Variants in HS6ST3 observed in about 807,000 individuals in gnomAD.
HS6ST3 encodes the protein heparan-sulfate 6-O-sulfotransferase 3.
Under a neutral mutation model 36.7 loss-of-function variants are expected in HS6ST3, and 12 were observed. The ratio of observed to expected loss-of-function variants is 0.33; its 90% CI spans 0.21 to 0.53. The LOEUF (loss-of-function observed/expected upper bound fraction) is 0.53, where lower values mean the gene tolerates loss of function less well. HS6ST3 is among the 20% of genes least tolerant of loss of function. The probability of loss-of-function intolerance (pLI) is 0.95; values close to 1 mark genes in which losing one functional copy is unlikely to be tolerated. For synonymous variants in HS6ST3, 240 were observed against 257.5 expected (o/e 0.93, Z 0.65); for missense variants, 584 against 640.9 (o/e 0.91, Z 0.96).
At chr13:96,102,018 A>G (rs780091548) in intron 1 of HS6ST3, among the ~76,000 whole-genome samples, 2 of 152,176 alleles carry the variant, frequency 1.3e-5, no homozygotes, top group Non-Finnish European at 2.9e-5. Context: ...AGTTCTAAGG[A>G]ATGTGCACTT....
rs1297615512 is a variant in HS6ST3 at position 96,133,848 on chromosome 13, T to A, written c.707+42279T>A. Among the ~76,000 whole-genome samples the A allele has an allele frequency of 3.6e-3, 545 of 151,898 alleles. 4 individuals are homozygous for A. The highest frequency in any genetic ancestry group is 0.013 in the African/African-American group (523 of 41,498). ...GCAACTCTTTGAGCTTTTATGTTTT[T>A]TTTTTTTTTTTTAGTAGTTTTACAG... On this transcript the variant is annotated intron_variant, in intron 1 of 1. Coordinates refer to ENST00000376705, the MANE Select transcript of HS6ST3 (RefSeq NM_153456.4).
At chr13:96,458,671 C>A (rs938309785) in intron 1 of HS6ST3, among the ~76,000 whole-genome samples, 2 of 151,136 alleles carry the variant, frequency 1.3e-5, no homozygotes, top group African/African-American at 4.9e-5. Flanking sequence ...CTTTGAACTG[C>A]AGTTTGAGAT....
intron 1 of HS6ST3, among the ~76,000 whole-genome samples, chr13:96,753,601 A>G (rs1481234329): frequency 6.6e-6 from 1 of 152,092 alleles, no homozygotes; most frequent in African/African-American, 2.4e-5. Context: ...TCTGTTAATT[A>G]TTTTGGGTTT....
intron 1 of HS6ST3, among the ~76,000 whole-genome samples, chr13:96,675,124 G>A (rs1476030491): frequency 6.6e-6 from 1 of 151,954 alleles, no homozygotes; most frequent in Admixed American, 6.6e-5. Flanking sequence ...CTAATGTTTG[G>A]ACAAGAATGC....
intron 1 of HS6ST3, among the ~76,000 whole-genome samples, chr13:96,213,723 G>A (rs1219084786): frequency 1.3e-5 from 2 of 152,136 alleles, no homozygotes; most frequent in East Asian, 3.9e-4. Flanking sequence ...TAGCATGTAG[G>A]TGTTTAAGGT....
rs922547859 is a variant in HS6ST3, at chr13:96,695,291, A to C, written c.708-137199A>C. Among the ~76,000 whole-genome samples the C allele has an allele frequency of 2.6e-5, 4 of 152,180 alleles. No individual in the cohort carries two copies. In the South Asian group the frequency reaches 8.3e-4, roughly 32 times the overall value. The stretch of plus-strand genomic sequence containing the variant: ...TCTAATTCTACCCTTTGTGATGGAC[A>C]GTCTCCTTTGAAGGTGTTGCAGTTG... On this transcript the variant is annotated intron_variant, in intron 1 of 1. Transcript: ENST00000376705.
chr13:96,580,392 G>T (rs643765), intron 1 of HS6ST3, among the ~76,000 whole-genome samples: 56,612 of 147,806 alleles, frequency 0.38, 11,212 homozygotes, highest in East Asian at 0.67. Flanking sequence ...TCAACACTTT[G>T]TTTTTTTTTT....
chr13:96,797,578 C>T (rs547884378), intron 1 of HS6ST3, among the ~76,000 whole-genome samples: 1 of 152,180 alleles, frequency 6.6e-6, no homozygotes, highest in Non-Finnish European at 1.5e-5. Context: ...AATCGTAGCA[C>T]ATTGACTGGA....
At chr13:96,646,836 G>A (rs1025581266) in intron 1 of HS6ST3, among the ~76,000 whole-genome samples, 6 of 151,810 alleles carry the variant, frequency 4.0e-5, no homozygotes, top group Admixed American at 2.6e-4. Flanking sequence ...ATTTTCGATC[G>A]GGGAAAAATT....
chr13:96,308,237 A>T (rs1435846757), intron 1 of HS6ST3, among the ~76,000 whole-genome samples: 1 of 152,132 alleles, frequency 6.6e-6, no homozygotes, highest in Non-Finnish European at 1.5e-5. Context: ...TCAATTCCTT[A>T]TATACTGCTT....
At chr13:96,186,340 A>G (rs2054265064) in intron 1 of HS6ST3, among the ~76,000 whole-genome samples, 1 of 152,204 alleles carries the variant, frequency 6.6e-6, no homozygotes, top group Non-Finnish European at 1.5e-5. Context: ...CATTTGCCTT[A>G]CCAGGTCTCC....
intron 1 of HS6ST3, among the ~76,000 whole-genome samples, chr13:96,339,757 A>G (rs1181161378): frequency 6.6e-6 from 1 of 152,224 alleles, no homozygotes; most frequent in Non-Finnish European, 1.5e-5. Flanking sequence ...GTGGGTTACT[A>G]TCTTTATCCC....
intron 1 of HS6ST3, among the ~76,000 whole-genome samples, chr13:96,108,750 C>T (rs117138569): frequency 6.6e-6 from 1 of 152,184 alleles, no homozygotes; most frequent in South Asian, 2.1e-4. Flanking sequence ...GAGAAGAGAG[C>T]AGAAAATAAA....
At chr13:96,715,769 G>A (rs1875679805) in intron 1 of HS6ST3, among the ~76,000 whole-genome samples, 1 of 152,004 alleles carries the variant, frequency 6.6e-6, no homozygotes, top group African/African-American at 2.4e-5. Context: ...TTTAAGCATA[G>A]TTATATCAAG....
chr13:96,168,819 C>T (rs973150725), intron 1 of HS6ST3, among the ~76,000 whole-genome samples: 3 of 152,012 alleles, frequency 2.0e-5, no homozygotes, highest in African/African-American at 4.8e-5. Flanking sequence ...AGATTTGGTA[C>T]ATAGATATGT....
chr13:96,626,580 A>G (rs1238283541), intron 1 of HS6ST3, among the ~76,000 whole-genome samples: 1 of 152,112 alleles, frequency 6.6e-6, no homozygotes, highest in East Asian at 1.9e-4. Flanking sequence ...CTTCAATTGT[A>G]CCTTGGTTGT....
At chr13:96,566,518 G>A (rs1476354501) in intron 1 of HS6ST3, among the ~76,000 whole-genome samples, 1 of 152,018 alleles carries the variant, frequency 6.6e-6, no homozygotes, top group African/African-American at 2.4e-5. Flanking sequence ...AGCTATTAAA[G>A]GATATTCTTC....
intron 1 of HS6ST3, among the ~76,000 whole-genome samples, chr13:96,144,859 T>C (rs2054049442): frequency 7.4e-6 from 1 of 135,230 alleles, no homozygotes; most frequent in African/African-American, 2.8e-5. Context: ...CATGTGTTCT[T>C]ATTGTTCAAT....
intron 1 of HS6ST3, 139 bp downstream of exon 1, chr13:96,091,708 G>A (rs1172939120): frequency 1.6e-6 from 2 of 1,218,972 alleles, no homozygotes; most frequent in East Asian, 5.1e-5. Flanking sequence ...CGTGGCTTTG[G>A]GGAGGGATGA....
Sources: allele counts gnomAD v4.1 joint callset (sites outside exome capture counted in the v4.1 genomes callset), GRCh38; gene constraint gnomAD v4.1.1; transcripts MANE v1.5; gene names NCBI Gene and HGNC (gene_info 2026-07-23, HGNC 2026-07-21).